Variants in ZNF710 observed in about 807,000 individuals in gnomAD.
The protein encoded by ZNF710 is zinc finger protein 710.
Under a neutral mutation model 50.6 loss-of-function variants are expected in ZNF710, and 13 were observed. The observed-to-expected ratio is 0.26, with a 90% CI of 0.17 to 0.41. The LOEUF is 0.41. Ranked by LOEUF, ZNF710 falls within the 10% of genes least tolerant of loss-of-function variation. ZNF710 has a pLI of 1.00. For missense variants in ZNF710, 721 were observed against 936.6 expected (o/e 0.77, Z 3.01); for synonymous variants, 383 against 397.0 (o/e 0.96, Z 0.42).
intron 1 of ZNF710, among the ~76,000 whole-genome samples, chr15:90,005,559 C>G (rs1335274399): frequency 2.0e-5 from 3 of 152,202 alleles, no homozygotes; most frequent in Non-Finnish European, 2.9e-5. Flanking sequence ...AGCGATTCTC[C>G]TGCCTCAGCC....
At chr15:90,029,432 A>C (rs759676188) in intron 1 of ZNF710, among the ~76,000 whole-genome samples, 1 of 152,176 alleles carries the variant, frequency 6.6e-6, no homozygotes, top group African/African-American at 2.4e-5. Context: ...ACAAACTCCA[A>C]CTCAAACGGG....
In ZNF710 at chr15:90,055,428, G is replaced by C. The variant is rs552872554; in HGVS notation, c.-28-11682G>C. The stretch of plus-strand genomic sequence containing the variant: ...ACATGGAGGGAGGGGACAGCAGCAC[G>C]TTGTGGACTTGTCATGGAGGCAGGG... On this transcript the variant is annotated intron_variant, in intron 1 of 4. Transcript: ENST00000268154. 2.4e-4 allele frequency among the ~76,000 whole-genome samples: 37 copies of C among 152,224 alleles called. 1 individual carries two copies. The highest frequency in any genetic ancestry group is 4.6e-4 in the Non-Finnish European group (31 of 68,040).
At chr15:90,003,723 T>C (rs1417191672) in intron 1 of ZNF710, among the ~76,000 whole-genome samples, 1 of 152,166 alleles carries the variant, frequency 6.6e-6, no homozygotes, top group Non-Finnish European at 1.5e-5. Flanking sequence ...TGTTATTTTC[T>C]ATACTTTCTC....
At chr15:90,031,066 A>G (rs1477686905) in intron 1 of ZNF710, among the ~76,000 whole-genome samples, 2 of 151,830 alleles carry the variant, frequency 1.3e-5, no homozygotes, top group Non-Finnish European at 2.9e-5. Context: ...TTTGGTAACA[A>G]ATGGATACCA....
At position 90,079,845 on chromosome 15, in the gene ZNF710, C is replaced by A; in HGVS notation, c.*16C>A. 1.3e-6 allele frequency: 2 copies of A among 1,571,526 alleles called. No individual in the cohort carries two copies. The highest frequency in any genetic ancestry group is 1.7e-6 in the Non-Finnish European group (2 of 1,162,912). On this transcript the variant is annotated 3_prime_UTR_variant, in exon 5 of 5. Transcript: ENST00000268154. ...TGTGCTATAGCGCAAGCTGGGCCAC[C>A]CCTAACGGGGGCCGGGGGCGAGGGC...
At chr15:90,078,806 C>T (rs1331411381) in intron 4 of ZNF710, among the ~76,000 whole-genome samples, 1 of 152,218 alleles carries the variant, frequency 6.6e-6, no homozygotes, top group Non-Finnish European at 1.5e-5. Flanking sequence ...GGTCTGTTTC[C>T]CCCAAAACAC....
intron 1 of ZNF710, among the ~76,000 whole-genome samples, chr15:90,023,669 G>T (rs1390001291): frequency 6.6e-6 from 1 of 152,146 alleles, no homozygotes; most frequent in Non-Finnish European, 1.5e-5. Context: ...GGGTGACAGA[G>T]TGAGACCCCA....
chr15:90,010,188 C>CA (rs1205881312), intron 1 of ZNF710, among the ~76,000 whole-genome samples: 4 of 152,204 alleles, frequency 2.6e-5, no homozygotes, highest in African/African-American at 9.6e-5. Flanking sequence ...CTCCTGTAGA[C>CA]AGCCTAGGGC....
chr15:90,046,022 C>G (rs1899449720), intron 1 of ZNF710, among the ~76,000 whole-genome samples: 1 of 152,056 alleles, frequency 6.6e-6, no homozygotes, highest in African/African-American at 2.4e-5. Context: ...ACAGAGAAAG[C>G]TTGTGGGGCT....
At chr15:90,058,957 A>G (rs1449857271) in intron 1 of ZNF710, among the ~76,000 whole-genome samples, 1 of 152,122 alleles carries the variant, frequency 6.6e-6, no homozygotes, top group Non-Finnish European at 1.5e-5. Context: ...TGCTTTTCTT[A>G]AAGTCAACCG....
chr15:90,054,687 CTT>C (rs1208441008), intron 1 of ZNF710, among the ~76,000 whole-genome samples: 88 of 152,364 alleles, frequency 5.8e-4, no homozygotes, highest in Non-Finnish European at 1.0e-4. Context: ...TGATTCTTAT[CTT>C]TGTCCCCTTG....
intron 1 of ZNF710, among the ~76,000 whole-genome samples, chr15:90,014,398 C>A (rs1387304123): frequency 2.0e-5 from 3 of 151,456 alleles, no homozygotes; most frequent in African/African-American, 7.3e-5. Flanking sequence ...ATGGCAGAAC[C>A]AGGCATGATG....
chr15:90,008,510 C>T lies in ZNF710; in HGVS notation c.-29+6896C>T, dbSNP rs187598916. Among the ~76,000 whole-genome samples the T allele has an allele frequency of 1.2e-4, 17 of 145,306 alleles. No individual in the cohort carries two copies. The East Asian group carries it at 3.3e-3, about 28-fold the overall frequency. On this transcript the variant is annotated intron_variant, in intron 1 of 4. Transcript: ENST00000268154. Reference sequence around the variant, plus strand: ...TTAGAAGTGGGTTGGAGGCCGGGCACAGTGGCTCATGCCTGTAATCACAGG... The same window carrying T: ...TTAGAAGTGGGTTGGAGGCCGGGCATAGTGGCTCATGCCTGTAATCACAGG...
rs1454833999 is a variant in ZNF710 at position 90,073,080 on chromosome 15, G to C, written c.1468G>C (p.Glu490Gln). The change falls in exon 3 of 5, where the codon GAG (glutamate) becomes CAG (glutamine). Residue 490 changes from glutamate (E) to glutamine (Q), a missense_variant. Physicochemically the swap from Glu to Gln is conservative, Grantham distance 29 (BLOSUM62 2). Coordinates refer to ENST00000268154, the MANE Select transcript of ZNF710 (RefSeq NM_198526.4). ...ACCCCCCACCCCACAGGGCGTGAAG[G>C]AGTTCAAGTGCGAGGTGTGTGGCCG... ...QHSLTHKGVK[E>Q]FKCEVCGREF... 1 of 1,613,768 alleles carries C rather than the reference G, an allele frequency of 6.2e-7. No homozygotes were observed. Among genetic ancestry groups the C allele is most frequent in the Admixed American group, 1.7e-5 (1 of 60,004 alleles).
At chr15:90,029,710 G>A (rs1898877273) in intron 1 of ZNF710, among the ~76,000 whole-genome samples, 1 of 152,068 alleles carries the variant, frequency 6.6e-6, no homozygotes, top group Admixed American at 6.5e-5. Context: ...CCACCTCCGG[G>A]TTCCAGTGAT....
Position 90,067,810 on chromosome 15 carries a change from C to T in ZNF710, c.673C>T (p.Pro225Ser). The change falls in exon 2 of 5, where the codon CCC (proline) becomes TCC (serine). Residue 225 changes from proline (P) to serine (S), a missense_variant. Physicochemically the swap from Pro to Ser is moderately conservative, Grantham distance 74. This residue lies in a region of ZNF710 where 326 missense variants were observed against 347.1 expected (regional missense o/e 0.94). Transcript: ENST00000268154. The surrounding 1 kb of genome is among the most constrained non-coding windows in gnomAD (Gnocchi z 8.1). ...ECGFEPPHLA[P>S]LSDPEAPSME... ...TGGGTTCGAGCCACCCCACCTGGCC[C>T]CCCTGAGTGACCCCGAGGCCCCCAG... is the stretch of plus-strand genomic sequence containing the variant. The T allele has an allele frequency of 6.3e-7, 1 of 1,582,586 alleles. No homozygotes were observed. The highest frequency in any genetic ancestry group is 8.6e-7 in the Non-Finnish European group (1 of 1,164,186).
chr15:90,079,535 C>T lies in ZNF710; in HGVS notation c.1826-125C>T. 2.5e-6 allele frequency: 3 copies of T among 1,216,830 alleles called. No homozygotes were observed. In the South Asian group the frequency reaches 4.3e-5, roughly 17 times the overall value. The allele number at this position is 1,216,830 out of a possible 1,614,324, so 75.4% of individuals were successfully genotyped here. A position where few individuals can be genotyped will look rare whatever the true frequency, so the allele number is the denominator to read the frequency against. On this transcript the variant is annotated intron_variant, in intron 4 of 4. Transcript: ENST00000268154. ...CGAGGGTGGGAAGGCTGAGAGGCAG[C>T]TGAGACTCCTGGAGGCCGTGACTGG...
rs533447037 is a variant in ZNF710 at position 90,059,328 on chromosome 15, C to A, written c.-28-7782C>A. Reference sequence around the variant, plus strand: ...GCAAATGAAGGCATGGGCAGTGCATCCCGCCTACCAAAAGGCTGTGGGGGC... The same window carrying A: ...GCAAATGAAGGCATGGGCAGTGCATACCGCCTACCAAAAGGCTGTGGGGGC... On this transcript the variant is annotated intron_variant, in intron 1 of 4. Coordinates refer to ENST00000268154, the MANE Select transcript of ZNF710 (RefSeq NM_198526.4). This position sits in a 1 kb window ranked among gnomAD's most constrained non-coding sequence, Gnocchi z 4.1. Among the ~76,000 whole-genome samples the A allele has an allele frequency of 9.8e-5, 15 of 152,306 alleles. No homozygotes were observed. The highest frequency in any genetic ancestry group is 2.9e-4 in the African/African-American group (12 of 41,564).
At chr15:90,074,095 C>T in intron 3 of ZNF710, 21 bp from the exon 4 acceptor site, 12 of 1,600,532 alleles carry the variant, frequency 7.5e-6, no homozygotes, top group Non-Finnish European at 1.0e-5. Context: ...AGGCTCAGGA[C>T]ACCGGGTTGA....
Sources: gnomAD v4.1 joint callset for allele counts (sites outside exome capture counted in the v4.1 genomes callset) on GRCh38, gnomAD v4.1.1 for gene constraint, gnomAD v4.1.1 regional missense constraint, Gnocchi (gnomAD v3.1) non-coding constraint, MANE v1.5 for transcripts, NCBI Gene and HGNC (gene_info 2026-07-23, HGNC 2026-07-21) for gene names.